The following DOCK3 variants were observed in gnomAD, a reference collection of about 807,000 sequenced individuals.
The protein encoded by DOCK3 is dedicator of cytokinesis protein 3.
DOCK3 carries 60 observed loss-of-function variants against 265.6 expected under a neutral mutation model. The observed-to-expected ratio is 0.23, with a 90% CI of 0.18 to 0.28. DOCK3 has a LOEUF of 0.28. Ranked by LOEUF, DOCK3 falls within the 10% of genes least tolerant of loss-of-function variation. The pLI, the probability that DOCK3 is intolerant of heterozygous loss-of-function variation, is 1.00. For missense variants in DOCK3, 1,981 were observed against 2,594.3 expected (o/e 0.76, Z 5.14); for synonymous variants, 881 against 938.0 (o/e 0.94, Z 1.11).
At chr3:50,794,916 C>T (rs953348036) in intron 2 of DOCK3, among the ~76,000 whole-genome samples, 1 of 152,068 alleles carries the variant, frequency 6.6e-6, no homozygotes, top group African/African-American at 2.4e-5. Flanking sequence ...TCTTTTAAGG[C>T]GGGTCTGAGG....
At chr3:51,196,803 G>A (rs1351561381) in intron 12 of DOCK3, among the ~76,000 whole-genome samples, 1 of 152,106 alleles carries the variant, frequency 6.6e-6, no homozygotes, top group African/African-American at 2.4e-5. Flanking sequence ...GGATTCGCTT[G>A]TATCTCACTG....
rs2088654152 is a variant in DOCK3 at position 51,381,584 on chromosome 3, CGCCCTCA to C, written c.*27_*33del. The C allele has an allele frequency of 6.8e-7, 1 of 1,476,598 alleles. No homozygotes were observed. Among genetic ancestry groups the C allele is most frequent in the East Asian group, 2.4e-5 (1 of 41,626 alleles). 91.5% of individuals were successfully genotyped at this position (1,476,598 alleles called of 1,614,324 possible). On this transcript the variant is annotated 3_prime_UTR_variant, in exon 53 of 53. Coordinates refer to ENST00000266037, the MANE Select transcript of DOCK3 (RefSeq NM_004947.5). This position sits in a 1 kb window ranked among gnomAD's most constrained non-coding sequence, Gnocchi z 5.6. ...AGGGGCAACGAGGCGGCTGGGATGC[CGCCCTCA>C]GTAAGCAGCTTGCCAATCACTCCAG...
chr3:50,917,384 G>GT (rs1198240278), intron 4 of DOCK3, among the ~76,000 whole-genome samples: 10 of 151,828 alleles, frequency 6.6e-5, no homozygotes, highest in South Asian at 4.2e-4. Flanking sequence ...TGCTTTAATG[G>GT]TTTTTTTTAT....
intron 1 of DOCK3, among the ~76,000 whole-genome samples, chr3:50,748,338 C>T (rs926765396): frequency 4.6e-5 from 7 of 152,030 alleles, no homozygotes; most frequent in South Asian, 2.1e-4. Flanking sequence ...GGAAAGGATT[C>T]GGTCTTGTAA....
chr3:50,943,448 T>C (rs560856302), intron 5 of DOCK3, among the ~76,000 whole-genome samples: 1 of 152,266 alleles, frequency 6.6e-6, no homozygotes, highest in East Asian at 1.9e-4. Flanking sequence ...AAAATTTATG[T>C]ACAGATTATA....
At chr3:51,225,818 AATAAT>A (rs758328905) in intron 15 of DOCK3, 45 bp downstream of exon 15, 1 of 1,577,246 alleles carries the variant, frequency 6.3e-7, no homozygotes, top group East Asian at 2.3e-5. Flanking sequence ...ATAATCCTAT[AATAAT>A]TCTCTGTGGA....
At chr3:51,309,366 G>A (rs1485148780) in intron 27 of DOCK3, among the ~76,000 whole-genome samples, 3 of 152,248 alleles carry the variant, frequency 2.0e-5, no homozygotes, top group African/African-American at 7.2e-5. Flanking sequence ...CGGATCACTT[G>A]CGGTTAGGAG....
intron 3 of DOCK3, among the ~76,000 whole-genome samples, chr3:50,853,221 C>T (rs2046422810): frequency 6.6e-6 from 1 of 152,030 alleles, no homozygotes; most frequent in South Asian, 2.1e-4. Flanking sequence ...CATCATTGTA[C>T]TCTGTCTCTT....
intron 2 of DOCK3, among the ~76,000 whole-genome samples, chr3:50,806,068 A>T (rs1211747909): frequency 2.0e-5 from 3 of 151,588 alleles, no homozygotes; most frequent in Non-Finnish European, 4.4e-5. Context: ...CATAGACCTG[A>T]GATGCAGACA....
chr3:50,837,306 G>T (rs2045568442), intron 2 of DOCK3, among the ~76,000 whole-genome samples: 1 of 152,206 alleles, frequency 6.6e-6, no homozygotes, highest in African/African-American at 2.4e-5. Flanking sequence ...AAATACCCAA[G>T]ACTGGGTAAT....
chr3:51,121,362 C>T (rs2084009691), intron 9 of DOCK3, among the ~76,000 whole-genome samples: 1 of 152,124 alleles, frequency 6.6e-6, no homozygotes. Flanking sequence ...CCTAGTACCT[C>T]AATTGGAAAT....
At chr3:51,273,464 A>C (rs2080627581) in intron 24 of DOCK3, among the ~76,000 whole-genome samples, 1 of 152,194 alleles carries the variant, frequency 6.6e-6, no homozygotes, top group Non-Finnish European at 1.5e-5. Context: ...GGTATTCTCA[A>C]AGTATAAGTT....
At chr3:51,113,507 T>C (rs1326175684) in intron 9 of DOCK3, among the ~76,000 whole-genome samples, 1 of 152,136 alleles carries the variant, frequency 6.6e-6, no homozygotes, top group Non-Finnish European at 1.5e-5. Context: ...TCTCGAACAT[T>C]AATCCACGTA....
chr3:50,709,445 G>A (rs567346198), intron 1 of DOCK3, among the ~76,000 whole-genome samples: 1 of 152,200 alleles, frequency 6.6e-6, no homozygotes, highest in South Asian at 2.1e-4. Flanking sequence ...GCTGACAGTG[G>A]TGAACATTTT....
chr3:50,906,120 A>G (rs1050664749), intron 4 of DOCK3, among the ~76,000 whole-genome samples: 1 of 151,978 alleles, frequency 6.6e-6, no homozygotes, highest in Non-Finnish European at 1.5e-5. Context: ...AGCCCACTTG[A>G]TCATTTTGGA....
intron 5 of DOCK3, among the ~76,000 whole-genome samples, chr3:50,995,076 G>A (rs2078231277): frequency 6.6e-6 from 1 of 152,078 alleles, no homozygotes; most frequent in African/African-American, 2.4e-5. Context: ...CAAATGAAAA[G>A]CATTTGGATT....
intron 12 of DOCK3, among the ~76,000 whole-genome samples, chr3:51,193,759 A>G (rs900534460): frequency 2.1e-5 from 3 of 142,396 alleles, no homozygotes. Context: ...ATCAGTTGTA[A>G]TGTCTTCTTT....
chr3:50,866,600 A>G (rs573727201), intron 3 of DOCK3, among the ~76,000 whole-genome samples: 16 of 151,914 alleles, frequency 1.1e-4, no homozygotes, highest in African/African-American at 3.6e-4. Flanking sequence ...CATTTTGATT[A>G]GATATTTGTA....
At chr3:50,697,823 C>T (rs1330328621) in intron 1 of DOCK3, among the ~76,000 whole-genome samples, 1 of 152,078 alleles carries the variant, frequency 6.6e-6, no homozygotes, top group Non-Finnish European at 1.5e-5. Flanking sequence ...ACTGGAGAGA[C>T]ACCTGTTTTT....
Sources: allele counts gnomAD v4.1 joint callset (sites outside exome capture counted in the v4.1 genomes callset), GRCh38; gene constraint gnomAD v4.1.1; non-coding constraint Gnocchi (gnomAD v3.1); transcripts MANE v1.5; gene names NCBI Gene and HGNC (gene_info 2026-07-23, HGNC 2026-07-21).